The following PRKCB variants were observed in gnomAD, a reference collection of about 807,000 sequenced individuals.
PRKCB encodes the protein protein kinase C beta, also known as protein kinase C beta type.
PRKCB carries 13 observed loss-of-function variants against 81.5 expected under a neutral mutation model. That is an observed-to-expected ratio of 0.16 (90% CI 0.10 to 0.25). The LOEUF is 0.25. Among genes scored for constraint, PRKCB ranks in the 10% least tolerant of loss-of-function variants. The pLI is 1.00. For synonymous variants in PRKCB, 335 were observed against 321.4 expected, an observed-to-expected ratio of 1.04 and a Z score of -0.45; for missense variants, 509 against 875.7, an observed-to-expected ratio of 0.58 and a Z score of 5.29.
chr16:24,184,092 A>G (rs1450075340), intron 13 of PRKCB, among the ~76,000 whole-genome samples: 1 of 152,242 alleles, frequency 6.6e-6, no homozygotes, highest in African/African-American at 2.4e-5. Context: ...ATTTTGGTAT[A>G]TCCATTCAAC....
At chr16:24,131,105 C>T (rs1273324440) in intron 9 of PRKCB, among the ~76,000 whole-genome samples, 2 of 152,058 alleles carry the variant, frequency 1.3e-5, no homozygotes, top group Non-Finnish European at 2.9e-5. Context: ...CTAGCACGAG[C>T]CAGGAATAAG....
chr16:23,990,150 A>G (rs1964863610), intron 3 of PRKCB, among the ~76,000 whole-genome samples: 1 of 152,162 alleles, frequency 6.6e-6, no homozygotes, highest in Non-Finnish European at 1.5e-5. Context: ...CCCAAGCTGG[A>G]TAGATGGGAG....
Position 24,014,802 on chromosome 16 carries a change from T to C in PRKCB, c.289-17334T>C, listed in dbSNP as rs535869821. On this transcript the variant is annotated intron_variant, in intron 3 of 16. Coordinates refer to ENST00000643927, the MANE Select transcript of PRKCB (RefSeq NM_002738.7). ...AGTGTGATTATTATTTCCTTTTATT[T>C]ATTTATTTAAGACAGAGTCTTGCTC... 1.3e-3 allele frequency among the ~76,000 whole-genome samples: 194 copies of C among 152,302 alleles called. 7 individuals carry two copies. In the South Asian group the frequency reaches 0.039, roughly 30 times the overall value.
intron 7 of PRKCB, among the ~76,000 whole-genome samples, chr16:24,109,724 C>G (rs1197421451): frequency 7.4e-6 from 1 of 135,724 alleles, no homozygotes; most frequent in Non-Finnish European, 1.5e-5. Flanking sequence ...GCAGAGGCTG[C>G]AATCTCGGCA....
At chr16:23,905,637 T>C (rs1316198370) in intron 2 of PRKCB, among the ~76,000 whole-genome samples, 1 of 152,242 alleles carries the variant, frequency 6.6e-6, no homozygotes, top group African/African-American at 2.4e-5. Context: ...AGAACCAGTT[T>C]CCTGTATTTT....
chr16:24,039,011 G>A (rs1050599531), intron 5 of PRKCB, among the ~76,000 whole-genome samples: 2 of 152,126 alleles, frequency 1.3e-5, no homozygotes, highest in Non-Finnish European at 2.9e-5. Flanking sequence ...GGTTAGATGA[G>A]GTTGTGAGGG....
intron 2 of PRKCB, among the ~76,000 whole-genome samples, chr16:23,862,061 G>A (rs1001363949): frequency 6.6e-6 from 1 of 152,070 alleles, no homozygotes; most frequent in African/African-American, 2.4e-5. Context: ...TTGAGATTGT[G>A]TCTTATCTTC....
At chr16:23,893,832 A>G (rs1963331227) in intron 2 of PRKCB, 1 of 152,224 alleles carries the variant, frequency 6.6e-6, no homozygotes. Context: ...ATTCAACATG[A>G]TTCAACCATT....
intron 2 of PRKCB, among the ~76,000 whole-genome samples, chr16:23,878,584 A>G (rs1386301169): frequency 1.3e-5 from 2 of 152,208 alleles, no homozygotes; most frequent in Non-Finnish European, 2.9e-5. Context: ...GTCTGAAGGT[A>G]GAACATGGTT....
chr16:24,178,097 A>G (rs1967562208), intron 12 of PRKCB, among the ~76,000 whole-genome samples: 1 of 152,186 alleles, frequency 6.6e-6, no homozygotes, highest in Non-Finnish European at 1.5e-5. Context: ...CTAAATCTCT[A>G]CTTAATTGAA....
intron 2 of PRKCB, among the ~76,000 whole-genome samples, chr16:23,934,964 A>T (rs192665772): frequency 1.3e-5 from 2 of 152,298 alleles, no homozygotes; most frequent in African/African-American, 4.8e-5. Flanking sequence ...GCCTTTGCAA[A>T]TGCTTGAGTC....
chr16:23,998,268 A>G (rs1017024408), intron 3 of PRKCB, among the ~76,000 whole-genome samples: 1 of 152,208 alleles, frequency 6.6e-6, no homozygotes, highest in Non-Finnish European at 1.5e-5. Flanking sequence ...ACATTGGACT[A>G]AACTATACCC....
chr16:24,148,945 T>A (rs1459504574), intron 9 of PRKCB, among the ~76,000 whole-genome samples: 1 of 152,210 alleles, frequency 6.6e-6, no homozygotes, highest in East Asian at 1.9e-4. Context: ...TTCCAAAACA[T>A]AGAAGCTTAA....
In PRKCB at chr16:24,107,322, A is replaced by C. The variant is rs76733437; in HGVS notation, c.822-5651A>C. Among the ~76,000 whole-genome samples the C allele has an allele frequency of 1.0e-3, 157 of 152,234 alleles. 1 individual carries two copies. Among genetic ancestry groups the C allele is most frequent in the African/African-American group, 3.8e-3 (156 of 41,524 alleles). On this transcript the variant is annotated intron_variant, in intron 7 of 16. Transcript: ENST00000643927. ...TTGTTTCTTTCTATTTAAATGACTAAATTTTTCACACATCCTATTGTGCTT... is the reference window on the plus strand; with the variant it reads ...TTGTTTCTTTCTATTTAAATGACTACATTTTTCACACATCCTATTGTGCTT...
chr16:23,927,177 TTCCAGGACTAAATGATA>T (rs66614213), intron 2 of PRKCB, among the ~76,000 whole-genome samples: 77,893 of 151,756 alleles, frequency 0.51, 21,054 homozygotes, highest in East Asian at 0.62. Flanking sequence ...TCAGGAAGGC[TTCCAGGACTAAATGATA>T]TCAAAGTCCC....
At chr16:24,145,533 A>G (rs1338364761) in intron 9 of PRKCB, among the ~76,000 whole-genome samples, 3 of 152,264 alleles carry the variant, frequency 2.0e-5, no homozygotes, top group Non-Finnish European at 4.4e-5. Context: ...TCAGATCAGC[A>G]AAGAGGTTGA....
intron 3 of PRKCB, among the ~76,000 whole-genome samples, chr16:24,030,493 T>C (rs1965537259): frequency 6.6e-6 from 1 of 152,132 alleles, no homozygotes; most frequent in Non-Finnish European, 1.5e-5. Context: ...CTAAGACCTC[T>C]ACACAGGTTC....
At chr16:23,900,722 T>C (rs76034518) in intron 2 of PRKCB, among the ~76,000 whole-genome samples, 2 of 45,392 alleles carry the variant, frequency 4.4e-5, no homozygotes, top group African/African-American at 2.3e-4. Context: ...GCACAGGTTT[T>C]TTTTTTTTTT....
Position 23,866,008 on chromosome 16 carries a change from C to T in PRKCB, c.205+28602C>T, listed in dbSNP as rs185810428. 1.3e-3 allele frequency among the ~76,000 whole-genome samples: 188 copies of T among 147,228 alleles called. 1 individual carries two copies. The highest frequency in any genetic ancestry group is 4.7e-3 in the African/African-American group (187 of 39,486). On this transcript the variant is annotated intron_variant, in intron 2 of 16. Transcript: ENST00000643927. Reference sequence around the variant, plus strand: ...GGGATTCTATCCTTTGAGTCTACCCCACCCTTCAAGTACTTCCTGTCTTTT... The same window carrying T: ...GGGATTCTATCCTTTGAGTCTACCCTACCCTTCAAGTACTTCCTGTCTTTT...
Sources: allele counts gnomAD v4.1 joint callset (sites outside exome capture counted in the v4.1 genomes callset), GRCh38; gene constraint gnomAD v4.1.1; transcripts MANE v1.5; gene names NCBI Gene and HGNC (gene_info 2026-07-23, HGNC 2026-07-21).